SIRT3: variants seen among roughly 807,000 people sequenced by gnomAD.
SIRT3 encodes the protein sirtuin 3.
Under a neutral mutation model 33.5 loss-of-function variants are expected in SIRT3, and 26 were observed. The ratio of observed to expected loss-of-function variants is 0.78; its 90% CI spans 0.57 to 1.08. The LOEUF is 1.08. Ranked by LOEUF, SIRT3 falls within the 50% of genes least tolerant of loss-of-function variation. SIRT3 has a pLI of 0.00. For missense variants in SIRT3, 585 were observed against 530.1 expected (o/e 1.10, Z -1.02); for synonymous variants, 237 against 222.1 (o/e 1.07, Z -0.60).
intron 1 of SIRT3, among the ~76,000 whole-genome samples, chr11:235,562 T>C (rs946026713): frequency 1.3e-5 from 2 of 152,228 alleles, no homozygotes; most frequent in Non-Finnish European, 2.9e-5. Context: ...TGTGCCATTA[T>C]TTACTTAAAT....
At chr11:221,990 G>A (rs78191365) in intron 5 of SIRT3, among the ~76,000 whole-genome samples, 78 of 152,082 alleles carry the variant, frequency 5.1e-4, no homozygotes, top group East Asian at 4.6e-3. Context: ...TATAATGTAC[G>A]AATCTTTTCA....
Position 216,458 on chromosome 11 carries a change from A to G in SIRT3, c.*240T>C. 1.8e-6 allele frequency: 1 copy of G among 549,424 alleles called. No individual in the cohort carries two copies. The highest frequency in any genetic ancestry group is 3.2e-6 in the Non-Finnish European group (1 of 307,918). 34.0% of individuals were successfully genotyped at this position (549,424 alleles called of 1,614,324 possible). On this transcript the variant is annotated 3_prime_UTR_variant, in exon 7 of 7. Coordinates refer to ENST00000382743, the MANE Select transcript of SIRT3 (RefSeq NM_012239.6). ...TTCAGCAGAGTGAAGAGTTCAACAC[A>G]GCAAACAGGCAGGCAGCTCCTTTGT...
At chr11:230,675 G>A (rs1197622946) in intron 3 of SIRT3, 123 bp from the exon 4 acceptor site, 4 of 516,496 alleles carry the variant, frequency 7.7e-6, no homozygotes, top group Non-Finnish European at 1.3e-5. Flanking sequence ...GGGTTGTGAT[G>A]TCCTCAAGCC....
At chr11:226,129 G>C (rs1857141241) in intron 4 of SIRT3, 1 of 152,222 alleles carries the variant, frequency 6.6e-6, no homozygotes, top group African/African-American at 2.4e-5. Flanking sequence ...ACCTCTCAGG[G>C]AAGGGTGAAG....
At chr11:220,350 A>G in intron 5 of SIRT3, among the ~76,000 whole-genome samples, 1 of 146,612 alleles carries the variant, frequency 6.8e-6, no homozygotes, top group Non-Finnish European at 1.5e-5. Context: ...AAAAAAAAAA[A>G]GAAAGAAGTT....
rs1365031210 is a variant in SIRT3 at position 233,184 on chromosome 11, G to A, written c.505C>T (p.Gln169Ter). ...SPGSGLYSNL[Q>*]QYDLPYPEAI... ...TCGGGGTACGGGAGATCGTACTGCT[G>A]GAGGTTGCTGTACAGGCCACTCCCC... Residue 169 changes from glutamine to a stop codon, truncating the protein, a stop_gained, in exon 3 of 7, where the codon CAG (glutamine) becomes TAG (stop). Transcript: ENST00000382743. LOFTEE classifies it high-confidence loss of function. 4 of 1,614,144 alleles carry A rather than the reference G, an allele frequency of 2.5e-6. No individual in the cohort carries two copies. Among genetic ancestry groups the A allele is most frequent in the African/African-American group, 1.3e-5 (1 of 75,046 alleles).
At position 230,503 on chromosome 11, in the gene SIRT3, G is replaced by A. The variant is rs201021557; in HGVS notation, c.756C>T (p.Ala252=). 6 of 1,541,086 alleles carry A rather than the reference G, an allele frequency of 3.9e-6. No homozygotes were observed. The highest frequency in any genetic ancestry group is 1.4e-5 in the African/African-American group (1 of 71,028). The change falls in exon 4 of 7, where the codon GCC becomes GCT. Residue 252 remains alanine (A), a synonymous_variant. Transcript: ENST00000382743. The part of the protein sequence containing the change: ...SKLVEAHGTF[A]SATCTVCQRP... ...TTTGGCAGACTGTGCAGGTGGCAGA[G>A]GCAAAGGTTCCATGAGCTTCAACCA...
intron 3 of SIRT3, among the ~76,000 whole-genome samples, chr11:230,931 CTGGCCATCA>C (rs1266168256): frequency 6.6e-6 from 1 of 152,186 alleles, no homozygotes; most frequent in African/African-American, 2.4e-5. Context: ...CAAGACCGGC[CTGGCCATCA>C]TGGTGAAACC....
Position 223,621 on chromosome 11 carries a change from CATCCTT to C in SIRT3, c.969+451_969+456del. The C allele has an allele frequency of 2.1e-5, 10 of 479,916 alleles. No individual in the cohort carries two copies. The highest frequency in any genetic ancestry group is 2.3e-5 in the Non-Finnish European group (6 of 257,090). The allele number at this position is 479,916 out of a possible 1,614,324, so 29.7% of individuals were successfully genotyped here. ...CCCCTCCACCTCGCCCCCACACCCCCATCCTTCTCCCTTCTCCTCACACGTGGTGCC... is the reference window on the plus strand; with the variant it reads ...CCCCTCCACCTCGCCCCCACACCCCCCTCCCTTCTCCTCACACGTGGTGCC... On this transcript the variant is annotated intron_variant, in intron 5 of 6. Coordinates refer to ENST00000382743, the MANE Select transcript of SIRT3 (RefSeq NM_012239.6). The surrounding 1 kb of genome is among the most constrained non-coding windows in gnomAD (Gnocchi z 4.8).
rs1855647987 is a variant in SIRT3 at position 216,388 on chromosome 11, G to C, written c.*310C>G. On this transcript the variant is annotated 3_prime_UTR_variant, in exon 7 of 7. Transcript: ENST00000382743. ...CTGGGATTCCAGTTGGTCTGATTCAGTTCAAGAGGGTCACAGTCAGAAGAA... is the reference window on the plus strand; with the variant it reads ...CTGGGATTCCAGTTGGTCTGATTCACTTCAAGAGGGTCACAGTCAGAAGAA... The C allele has an allele frequency of 5.3e-6, 2 of 374,400 alleles. No individual in the cohort carries two copies. The highest frequency in any genetic ancestry group is 9.8e-6 in the Non-Finnish European group (2 of 204,352). The allele number at this position is 374,400 out of a possible 1,614,324, so 23.2% of individuals were successfully genotyped here.
intron 3 of SIRT3, among the ~76,000 whole-genome samples, chr11:232,618 T>C (rs573171793): frequency 1.3e-5 from 2 of 152,276 alleles, no homozygotes; most frequent in East Asian, 3.9e-4. Flanking sequence ...CATTGCTCTC[T>C]TTGTGTGTGC....
At chr11:217,953 C>G (rs534269004) in intron 6 of SIRT3, among the ~76,000 whole-genome samples, 2 of 152,348 alleles carry the variant, frequency 1.3e-5, no homozygotes, top group African/African-American at 4.8e-5. Flanking sequence ...CTCACAAGAT[C>G]TGATAGTTTT....
rs1283708343 is a variant in SIRT3, at chr11:223,466, G to A, written c.969+612C>T. 1 of 286,582 alleles carries A rather than the reference G, an allele frequency of 3.5e-6. No individual in the cohort carries two copies. Among genetic ancestry groups the A allele is most frequent in the Non-Finnish European group, 7.0e-6 (1 of 143,808 alleles). The allele number at this position is 286,582 out of a possible 1,614,324, so 17.8% of individuals were successfully genotyped here. On this transcript the variant is annotated intron_variant, in intron 5 of 6. Transcript: ENST00000382743. This position sits in a 1 kb window ranked among gnomAD's most constrained non-coding sequence, Gnocchi z 4.8. ...CAGGACCAGCCTCCTGGCACTGCTT[G>A]CTCCACTCTCCACTCCCCAAAGGCC...
At chr11:224,522 C>G (rs941697122) in intron 4 of SIRT3, among the ~76,000 whole-genome samples, 4 of 152,234 alleles carry the variant, frequency 2.6e-5, no homozygotes, top group African/African-American at 7.2e-5. Flanking sequence ...GTATCTAACA[C>G]CATGCTCTAT....
intron 4 of SIRT3, among the ~76,000 whole-genome samples, chr11:230,002 G>A (rs959360700): frequency 1.3e-5 from 2 of 152,118 alleles, no homozygotes; most frequent in Non-Finnish European, 2.9e-5. Context: ...ACTAACACAA[G>A]CTACAAGGCG....
chr11:234,901 G>C (rs1370276959), intron 1 of SIRT3, among the ~76,000 whole-genome samples: 2 of 151,750 alleles, frequency 1.3e-5, no homozygotes, highest in African/African-American at 4.8e-5. Context: ...TTTTGAGACG[G>C]AGTTTTTGCT....
upstream of SIRT3, chr11:236,691 C>G (rs560965287): frequency 2.9e-5 from 10 of 346,346 alleles, no homozygotes; most frequent in South Asian, 1.7e-4. Context: ...ATATTTACAC[C>G]TAATCCTCGC....
intron 4 of SIRT3, 110 bp from the exon 5 acceptor site, chr11:224,349 G>A (rs1856867013): frequency 8.2e-7 from 1 of 1,218,228 alleles, no homozygotes; most frequent in Non-Finnish European, 1.1e-6. Flanking sequence ...AAAAAGGTGA[G>A]AGAGGGATCA....
At chr11:230,607 G>C in intron 3 of SIRT3, 55 bp from the exon 4 acceptor site, 1 of 1,278,674 alleles carries the variant, frequency 7.8e-7, no homozygotes. Flanking sequence ...GAGCACGCAA[G>C]GCCAAGAGCA....
Sources: gnomAD v4.1 joint callset for allele counts (sites outside exome capture counted in the v4.1 genomes callset) on GRCh38, gnomAD v4.1.1 for gene constraint, Gnocchi (gnomAD v3.1) non-coding constraint, MANE v1.5 for transcripts, NCBI Gene and HGNC (gene_info 2026-07-23, HGNC 2026-07-21) for gene names.